Variants in FOSL1 observed in about 807,000 individuals in gnomAD.
FOSL1 encodes the protein FOS like 1, AP-1 transcription factor subunit, also known as fos-related antigen 1.
In FOSL1, 14 loss-of-function variants were observed where a neutral mutation model predicts 24.9. The observed-to-expected ratio is 0.56, with a 90% CI of 0.37 to 0.88. The LOEUF (loss-of-function observed/expected upper bound fraction) is 0.88. Among genes scored for constraint, FOSL1 ranks in the 40% least tolerant of loss-of-function variants. FOSL1 has a pLI of 0.00. For missense variants in FOSL1, 318 were observed against 359.8 expected (o/e 0.88, Z 0.94); for synonymous variants, 133 against 145.1 (o/e 0.92, Z 0.60).
chr11:65,895,574 C>G (rs886445813), intron 2 of FOSL1, among the ~76,000 whole-genome samples: 1 of 152,160 alleles, frequency 6.6e-6, no homozygotes, highest in Non-Finnish European at 1.5e-5. Context: ...GACCATTTCA[C>G]CAAAAGGATC....
At chr11:65,893,407 G>A in intron 3 of FOSL1, 111 bp from the exon 4 acceptor site, 3 of 777,396 alleles carry the variant, frequency 3.9e-6, no homozygotes, top group Admixed American at 2.8e-5. Context: ...GGAGAGGGGG[G>A]GCAGTGGAGA....
At chr11:65,893,349 C>A (rs1860441805) in intron 3 of FOSL1, 53 bp from the exon 4 acceptor site, 1 of 1,486,990 alleles carries the variant, frequency 6.7e-7, no homozygotes, top group South Asian at 1.3e-5. Flanking sequence ...TACCCCAGAG[C>A]CGCAGACGTT....
intron 1 of FOSL1, among the ~76,000 whole-genome samples, chr11:65,898,962 GAAAA>G (rs745881086): frequency 3.2e-5 from 1 of 31,056 alleles, no homozygotes; most frequent in African/African-American, 5.5e-5. Context: ...CCCTGTCTCA[GAAAA>G]AAAAAAAAAA....
At chr11:65,895,902 C>A (rs1303482078) in intron 2 of FOSL1, among the ~76,000 whole-genome samples, 1 of 152,216 alleles carries the variant, frequency 6.6e-6, no homozygotes, top group Non-Finnish European at 1.5e-5. Context: ...TAAAGACTCG[C>A]CATCTCTTAC....
At chr11:65,893,654 G>A (rs1289457628) in intron 3 of FOSL1, among the ~76,000 whole-genome samples, 1 of 152,128 alleles carries the variant, frequency 6.6e-6, no homozygotes, top group African/African-American at 2.4e-5. Context: ...AGTCGGGTAG[G>A]GAGGCAGGCG....
chr11:65,895,477 T>C (rs1384154090), intron 2 of FOSL1, among the ~76,000 whole-genome samples: 2 of 152,064 alleles, frequency 1.3e-5, no homozygotes, highest in Non-Finnish European at 2.9e-5. Flanking sequence ...CCAGAGAGGA[T>C]AACTTACTTA....
intron 1 of FOSL1, among the ~76,000 whole-genome samples, chr11:65,897,976 T>G (rs539314501): frequency 1.4e-5 from 2 of 140,460 alleles, no homozygotes; most frequent in Admixed American, 7.4e-5. Context: ...TCCTCCCACC[T>G]CAGCCTCCCA....
chr11:65,894,185 T>C (rs507062), intron 2 of FOSL1, 64 bp from the exon 3 acceptor site: 268,488 of 1,251,846 alleles, frequency 0.21, 33,073 homozygotes, highest in African/African-American at 0.49. Flanking sequence ...TCGCCCCTCA[T>C]GGTGGCCCAG....
At position 65,893,239 on chromosome 11, in the gene FOSL1, G is replaced by T; in HGVS notation, c.463C>A (p.Gln155Lys). 7.4e-6 allele frequency: 12 copies of T among 1,613,912 alleles called. No homozygotes were observed. Among genetic ancestry groups the T allele is most frequent in the African/African-American group, 1.3e-5 (1 of 75,014 alleles). Residue 155 changes from glutamine (Q) to lysine (K), a missense_variant, in exon 4 of 4, where the codon CAG becomes AAG. By Grantham distance (53) the Gln-to-Lys change is moderately conservative. Transcript: ENST00000312562. ...SGLQREIEEL[Q>K]KQKERLELVL... ...AGCTCTAGGCGCTCCTTCTGCTTCT[G>T]CAGCTCCTCAATCTCTCGCTGCAGC...
In FOSL1 at chr11:65,898,043, C is replaced by CCGTTTT. The variant is rs1416098633; in HGVS notation, c.100-1038_100-1037insAAAACG. On this transcript the variant is annotated intron_variant, in intron 1 of 3. Coordinates refer to ENST00000312562, the MANE Select transcript of FOSL1 (RefSeq NM_005438.5). ...ATTTGGCTAATTTTTTTTTTCTTTT[C>CCGTTTT]TGTTTTTTTTTTTTTGAGACACAGT... is the stretch of plus-strand genomic sequence containing the variant. 2.4e-4 allele frequency among the ~76,000 whole-genome samples: 19 copies of CCGTTTT among 79,666 alleles called. 4 individuals carry two copies. The highest frequency in any genetic ancestry group is 3.9e-4 in the South Asian group (1 of 2,576). The allele number at this position is 79,666 out of a possible 152,430, so 52.3% of individuals were successfully genotyped here. A position where few individuals can be genotyped will look rare whatever the true frequency, so the allele number is the denominator to read the frequency against.
At chr11:65,896,002 G>T (rs1236439598) in intron 2 of FOSL1, among the ~76,000 whole-genome samples, 1 of 152,184 alleles carries the variant, frequency 6.6e-6, no homozygotes, top group Non-Finnish European at 1.5e-5. Flanking sequence ...AGACAGCGTG[G>T]CTTGGTGATT....
At chr11:65,897,753 A>C (rs1370255621) in intron 1 of FOSL1, among the ~76,000 whole-genome samples, 2 of 152,166 alleles carry the variant, frequency 1.3e-5, no homozygotes, top group Non-Finnish European at 2.9e-5. Context: ...GGATAATTAC[A>C]GCTCCCAGCT....
intron 2 of FOSL1, among the ~76,000 whole-genome samples, chr11:65,895,192 C>T (rs1225924442): frequency 4.2e-5 from 6 of 143,456 alleles, no homozygotes; most frequent in Admixed American, 2.9e-4. Context: ...GGTGCCATCT[C>T]GGCTCACTGC....
Position 65,900,280 on chromosome 11 carries a change from G to A in FOSL1, c.60C>T (p.Gly20=). 8.0e-7 allele frequency: 1 copy of A among 1,244,976 alleles called. No individual in the cohort carries two copies. Among genetic ancestry groups the A allele is most frequent in the Non-Finnish European group, 1.0e-6 (1 of 994,596 alleles). The allele number at this position is 1,244,976 out of a possible 1,614,324, so 77.1% of individuals were successfully genotyped here. ...GCGCTGCGGCCGGGGGCTGCGCGGG[G>A]CCGCCGTACCCGCCGCCGTTCCCGG... ...PSSGNGGGYG[G]PAQPPAAAQA... Residue 20 remains glycine (G), a synonymous_variant, in exon 1 of 4, where the codon GGC becomes GGT. Coordinates refer to ENST00000312562, the MANE Select transcript of FOSL1 (RefSeq NM_005438.5).
intron 1 of FOSL1, among the ~76,000 whole-genome samples, chr11:65,899,270 A>G (rs971020736): frequency 1.2e-4 from 18 of 152,292 alleles, no homozygotes; most frequent in Non-Finnish European, 2.2e-4. Flanking sequence ...CCCGAGCCCA[A>G]GCGCTGCGGG....
At chr11:65,894,225 G>T in intron 2 of FOSL1, 104 bp from the exon 3 acceptor site, 1 of 771,642 alleles carries the variant, frequency 1.3e-6, no homozygotes, top group South Asian at 1.6e-5. Flanking sequence ...GTCATGGCAG[G>T]GCCCCCTCAG....
At position 65,893,101 on chromosome 11, in the gene FOSL1, A is replaced by G. The variant is rs755145060; in HGVS notation, c.601T>C (p.Cys201Arg). The change falls in exon 4 of 4, where the codon TGT (cysteine) becomes CGT (arginine). Residue 201 changes from cysteine to arginine, a missense_variant. Cys to Arg is a radical substitution (Grantham distance 180). Coordinates refer to ENST00000312562, the MANE Select transcript of FOSL1 (RefSeq NM_005438.5). Reference protein sequence around the residue: ...SPPAPCRPVPCISLSPGPVLE... With the variant: ...SPPAPCRPVPRISLSPGPVLE... Reference sequence around the variant, plus strand: ...ACAGGCCCTGGGGAAAGGGAGATACAAGGTACAGGGCGGCAGGGGGCTGGT... The same window carrying G: ...ACAGGCCCTGGGGAAAGGGAGATACGAGGTACAGGGCGGCAGGGGGCTGGT... 3.1e-6 allele frequency: 5 copies of G among 1,612,544 alleles called. No individual in the cohort carries two copies. The East Asian group carries it at 6.7e-5, about 22-fold the overall frequency.
intron 2 of FOSL1, among the ~76,000 whole-genome samples, chr11:65,894,525 T>A (rs1269442031): frequency 6.6e-6 from 1 of 152,198 alleles, no homozygotes; most frequent in Admixed American, 6.5e-5. Context: ...TCCTCTTCCA[T>A]GAGCTGTAAG....
Position 65,900,373 on chromosome 11 carries a change from T to TG in FOSL1, c.-35dup. 8.8e-7 allele frequency: 1 copy of TG among 1,138,142 alleles called. No individual in the cohort carries two copies. The highest frequency in any genetic ancestry group is 1.1e-6 in the Non-Finnish European group (1 of 900,098). The allele number at this position is 1,138,142 out of a possible 1,614,324, so 70.5% of individuals were successfully genotyped here. Reference sequence around the variant, plus strand: ...CTGGCGGCTCTGCGGGGTACACGGCTGCTGGGTTCTGACTCACCCGCGCCG... The same window carrying TG: ...CTGGCGGCTCTGCGGGGTACACGGCTGGCTGGGTTCTGACTCACCCGCGCCG... On this transcript the variant is annotated 5_prime_UTR_variant, in exon 1 of 4. Transcript: ENST00000312562.
Sources: allele counts gnomAD v4.1 joint callset (sites outside exome capture counted in the v4.1 genomes callset), GRCh38; gene constraint gnomAD v4.1.1; transcripts MANE v1.5; gene names NCBI Gene and HGNC (gene_info 2026-07-23, HGNC 2026-07-21).